Variants in ALKAL1 observed in about 807,000 individuals in gnomAD.
ALKAL1 encodes the protein ALK and LTK ligand 1, also known as AUG-beta.
Under a neutral mutation model 13.5 loss-of-function variants are expected in ALKAL1, and 23 were observed. That is an observed-to-expected ratio of 1.70 (90% CI 1.23 to 2.41). The LOEUF is 2.41. ALKAL1 is among the 30% of genes most tolerant of loss of function. The pLI is 0.00. For missense variants in ALKAL1, 181 were observed against 178.4 expected (o/e 1.01, Z -0.08); for synonymous variants, 85 against 77.7 (o/e 1.09, Z -0.49).
intron 1 of ALKAL1, among the ~76,000 whole-genome samples, chr8:52,553,488 C>A (rs1214458021): frequency 2.6e-5 from 4 of 152,222 alleles, no homozygotes. Context: ...TATGTCCTCT[C>A]TTAGGACTGG....
intron 2 of ALKAL1, among the ~76,000 whole-genome samples, chr8:52,542,108 T>C (rs1024096893): frequency 5.3e-5 from 8 of 152,332 alleles, no homozygotes; most frequent in African/African-American, 7.2e-5. Context: ...ATTCATCCCT[T>C]AAAGCCCACC....
At chr8:52,544,009 C>T (rs757136683) in intron 1 of ALKAL1, among the ~76,000 whole-genome samples, 13 of 152,104 alleles carry the variant, frequency 8.5e-5, no homozygotes, top group Admixed American at 5.2e-4. Flanking sequence ...TCTATCAAAG[C>T]AGATGTCACA....
At chr8:52,543,835 G>A (rs1185659289) in intron 1 of ALKAL1, among the ~76,000 whole-genome samples, 2 of 152,116 alleles carry the variant, frequency 1.3e-5, no homozygotes, top group Admixed American at 6.5e-5. Context: ...CTGTGGTTAA[G>A]GCATGCTCAA....
At chr8:52,553,994 C>A (rs970811660) in intron 1 of ALKAL1, among the ~76,000 whole-genome samples, 2 of 152,142 alleles carry the variant, frequency 1.3e-5, no homozygotes, top group African/African-American at 2.4e-5. Flanking sequence ...GAGGCCGAGG[C>A]GGGCAGATCA....
At chr8:52,534,646 A>T in intron 4 of ALKAL1, 46 bp from the exon 5 acceptor site, 2 of 554,352 alleles carry the variant, frequency 3.6e-6, no homozygotes, top group Non-Finnish European at 6.3e-6. Context: ...CCTGGTTTTT[A>T]GAATACTTAT....
At chr8:52,548,517 CAAAGAAATGATA>C (rs1847395751) in intron 1 of ALKAL1, among the ~76,000 whole-genome samples, 1 of 152,034 alleles carries the variant, frequency 6.6e-6, no homozygotes, top group Admixed American at 6.6e-5. Flanking sequence ...GTTCCCAACA[CAAAGAAATGATA>C]ATTGTTTGAG....
intron 1 of ALKAL1, among the ~76,000 whole-genome samples, chr8:52,557,980 AAAG>A (rs1358312435): frequency 2.3e-4 from 34 of 148,140 alleles, no homozygotes; most frequent in South Asian, 1.7e-3. Flanking sequence ...AAAAAAAAAA[AAAG>A]AAGAAGAAGT....
chr8:52,564,344 C>G (rs918490475), intron 1 of ALKAL1, among the ~76,000 whole-genome samples: 1 of 152,202 alleles, frequency 6.6e-6, no homozygotes, highest in African/African-American at 2.4e-5. Context: ...CCCCAAGTGC[C>G]CGGCCGCCCC....
intron 1 of ALKAL1, among the ~76,000 whole-genome samples, chr8:52,547,500 A>AAAAT (rs1005814718): frequency 1.4e-4 from 21 of 152,200 alleles, no homozygotes; most frequent in African/African-American, 4.3e-4. Context: ...ATTCCATCTC[A>AAAAT]AAATAAATAA....
chr8:52,560,335 T>C (rs539768953), intron 1 of ALKAL1, among the ~76,000 whole-genome samples: 16 of 152,170 alleles, frequency 1.1e-4, no homozygotes, highest in Non-Finnish European at 2.1e-4. Flanking sequence ...AATGGAGTTA[T>C]AAGAAATATT....
At chr8:52,538,983 G>A (rs1037988570) in intron 3 of ALKAL1, among the ~76,000 whole-genome samples, 1 of 152,024 alleles carries the variant, frequency 6.6e-6, no homozygotes, top group Non-Finnish European at 1.5e-5. Context: ...GTAGAGACAG[G>A]GTTTCACCAT....
intron 1 of ALKAL1, among the ~76,000 whole-genome samples, chr8:52,559,647 G>T (rs1377342336): frequency 6.6e-6 from 1 of 152,154 alleles, no homozygotes; most frequent in Non-Finnish European, 1.5e-5. Context: ...CCTCTCAGCT[G>T]GTTCTGAAAC....
chr8:52,551,068 A>C (rs916809185), intron 1 of ALKAL1, among the ~76,000 whole-genome samples: 3 of 152,236 alleles, frequency 2.0e-5, no homozygotes, highest in Non-Finnish European at 4.4e-5. Flanking sequence ...TAATTTGCTC[A>C]AAATTATTTT....
intron 3 of ALKAL1, among the ~76,000 whole-genome samples, chr8:52,539,091 C>T (rs1322289762): frequency 1.3e-5 from 2 of 151,922 alleles, no homozygotes; most frequent in Non-Finnish European, 2.9e-5. Flanking sequence ...CACTCCTGGC[C>T]TTTTGTTTAA....
Position 52,558,852 on chromosome 8 carries a change from GA to G in ALKAL1, c.190+6214del, listed in dbSNP as rs572163593. ...TACCTGAGGCTGGGTAATTTTTAAAGAAAAAAAAGCATACTTGGCTGATAAT... is the reference window on the plus strand; with the variant it reads ...TACCTGAGGCTGGGTAATTTTTAAAGAAAAAAAGCATACTTGGCTGATAAT... On this transcript the variant is annotated intron_variant, in intron 1 of 4. Transcript: ENST00000358543. Among the ~76,000 whole-genome samples the G allele has an allele frequency of 1.6e-4, 24 of 151,902 alleles. No individual in the cohort carries two copies. In the South Asian group the frequency reaches 4.4e-3, roughly 28 times the overall value.
chr8:52,563,823 C>T (rs1257671185), intron 1 of ALKAL1, among the ~76,000 whole-genome samples: 5 of 152,132 alleles, frequency 3.3e-5, no homozygotes, highest in Non-Finnish European at 7.4e-5. Flanking sequence ...CCTTCTCCAT[C>T]CCCTCCCCAG....
chr8:52,561,602 C>T (rs73593389), intron 1 of ALKAL1, among the ~76,000 whole-genome samples: 3,620 of 152,206 alleles, frequency 0.024, 145 homozygotes, highest in African/African-American at 0.083. Flanking sequence ...TGAATATCTG[C>T]CTTTCTTTCC....
At chr8:52,559,013 G>T (rs980746118) in intron 1 of ALKAL1, among the ~76,000 whole-genome samples, 8 of 152,138 alleles carry the variant, frequency 5.3e-5, no homozygotes, top group Non-Finnish European at 1.5e-5. Flanking sequence ...AGGGGCAGGG[G>T]AGGGGCCAGG....
At chr8:52,560,131 G>C (rs1424112239) in intron 1 of ALKAL1, among the ~76,000 whole-genome samples, 1 of 151,886 alleles carries the variant, frequency 6.6e-6, no homozygotes, top group Non-Finnish European at 1.5e-5. Flanking sequence ...AGAAAAAAAC[G>C]CTATCTGTGT....
Sources: gnomAD v4.1 joint callset for allele counts (sites outside exome capture counted in the v4.1 genomes callset) on GRCh38, gnomAD v4.1.1 for gene constraint, MANE v1.5 for transcripts, NCBI Gene and HGNC (gene_info 2026-07-23, HGNC 2026-07-21) for gene names.